REPS2: variants seen among roughly 807,000 people sequenced by gnomAD.
REPS2 encodes the protein ralBP1-associated Eps domain-containing protein 2.
Under a neutral mutation model 53.6 loss-of-function variants are expected in REPS2, and 23 were observed. The ratio of observed to expected loss-of-function variants is 0.43; its 90% CI spans 0.31 to 0.61. REPS2 has a LOEUF of 0.61. Ranked by LOEUF, REPS2 falls within the 20% of genes least tolerant of loss-of-function variation. The pLI is 0.11. For synonymous variants in REPS2, 238 were observed against 218.6 expected (o/e 1.09, Z -0.78); for missense variants, 446 against 534.9 (o/e 0.83, Z 1.64).
chrX:16,977,503 C>G (rs1172102393), intron 1 of REPS2, among the ~76,000 whole-genome samples: 1 of 109,538 alleles, frequency 9.1e-6, no homozygotes, highest in Non-Finnish European at 1.9e-5. Context: ...TCACTTGAGC[C>G]CAGGAGTTCA....
chrX:17,094,196 C>T (rs2062665687), intron 13 of REPS2, among the ~76,000 whole-genome samples: 1 of 112,144 alleles, frequency 8.9e-6, no homozygotes, highest in East Asian at 2.8e-4. Context: ...TTAATTATAT[C>T]ATCATGCAGG....
At position 16,947,022 on chromosome X, in the gene REPS2, G is replaced by C. The variant is rs1170776719; in HGVS notation, c.161G>C (p.Gly54Ala). 13 of 971,392 alleles carry C rather than the reference G, an allele frequency of 1.3e-5. No homozygotes were observed. Among genetic ancestry groups the C allele is most frequent in the African/African-American group, 2.0e-5 (1 of 49,138 alleles). 80.1% of individuals were successfully genotyped at this position (971,392 alleles called of 1,213,427 possible). The change falls in exon 1 of 18, where the codon GGG becomes GCG. Residue 54 changes from glycine (G) to alanine (A), a missense_variant. Transcript: ENST00000357277. ...RCAGAAGGGP[G>A]SGPPEAARVA... ...GCCGGCGCCGCGGGCGGGGGCCCCG[G>C]GTCTGGGCCCCCCGAGGCCGCCAGA... is the stretch of plus-strand genomic sequence containing the variant.
intron 5 of REPS2, among the ~76,000 whole-genome samples, chrX:17,044,899 T>C (rs982850671): frequency 3.6e-5 from 4 of 111,896 alleles, no homozygotes; most frequent in African/African-American, 9.8e-5. Context: ...TTTGGTTGTT[T>C]AGTGCTCGGA....
intron 1 of REPS2, among the ~76,000 whole-genome samples, chrX:16,985,649 A>C (rs1431282105): frequency 8.9e-6 from 1 of 112,188 alleles, no homozygotes; most frequent in East Asian, 2.8e-4. Flanking sequence ...AGATAGCTTT[A>C]ATTTTAATTT....
At chrX:17,067,421 G>A (rs867382883) in intron 9 of REPS2, among the ~76,000 whole-genome samples, 1 of 111,776 alleles carries the variant, frequency 8.9e-6, no homozygotes, top group Non-Finnish European at 1.9e-5. Flanking sequence ...TTTTGGTGTG[G>A]TGAGAACATT....
intron 3 of REPS2, among the ~76,000 whole-genome samples, chrX:17,024,144 G>A (rs1279969975): frequency 9.4e-6 from 1 of 106,385 alleles, no homozygotes; most frequent in Non-Finnish European, 1.9e-5. Context: ...AAAAAAATTA[G>A]CTGTGTGTGG....
At chrX:17,048,446 G>A (rs768601635) in intron 6 of REPS2, among the ~76,000 whole-genome samples, 109 of 112,410 alleles carry the variant, frequency 9.7e-4, no homozygotes, top group Middle Eastern at 4.6e-3. Flanking sequence ...GTTTCTTTAC[G>A]ACATGTGCAG....
chrX:17,140,422 C>G (rs913062964), intron 17 of REPS2, among the ~76,000 whole-genome samples: 8 of 110,544 alleles, frequency 7.2e-5, no homozygotes, highest in Non-Finnish European at 1.1e-4. Context: ...ATACCCCAAC[C>G]CCATTTGCCC....
intron 1 of REPS2, among the ~76,000 whole-genome samples, chrX:16,951,101 C>T (rs1032978286): frequency 3.3e-4 from 37 of 111,966 alleles, no homozygotes; most frequent in Non-Finnish European, 3.8e-5. Flanking sequence ...CAAACCCAGA[C>T]CTGATTCTTA....
At chrX:17,094,498 C>T (rs1273699753) in intron 13 of REPS2, among the ~76,000 whole-genome samples, 1 of 111,940 alleles carries the variant, frequency 8.9e-6, no homozygotes, top group African/African-American at 3.2e-5. Context: ...TCATATTCTT[C>T]ATTTCTGGGA....
intron 1 of REPS2, among the ~76,000 whole-genome samples, chrX:16,951,152 A>G (rs962293198): frequency 1.8e-5 from 2 of 112,163 alleles, no homozygotes; most frequent in African/African-American, 6.5e-5. Flanking sequence ...GCCTTTGAAT[A>G]CCAACAAAAT....
chrX:17,080,160 A>G (rs1602951631), intron 13 of REPS2, among the ~76,000 whole-genome samples: 1 of 111,076 alleles, frequency 9.0e-6, no homozygotes, highest in South Asian at 3.8e-4. Context: ...TGTGCATGAT[A>G]TGGATATACC....
intron 1 of REPS2, among the ~76,000 whole-genome samples, chrX:16,981,011 G>A (rs2061014075): frequency 8.9e-6 from 1 of 112,543 alleles, no homozygotes; most frequent in Admixed American, 9.4e-5. Flanking sequence ...TCGTTTGAGA[G>A]TTTGTCTTCA....
At chrX:17,078,483 C>G (rs1033880612) in intron 13 of REPS2, among the ~76,000 whole-genome samples, 2 of 111,932 alleles carry the variant, frequency 1.8e-5, no homozygotes, top group African/African-American at 6.5e-5. Context: ...ATGAGTTCAT[C>G]AGACAAAAAT....
intron 12 of REPS2, among the ~76,000 whole-genome samples, chrX:17,075,896 G>T (rs2062375355): frequency 9.0e-6 from 1 of 111,694 alleles, no homozygotes. Context: ...TTTTTTAAGT[G>T]AAGTGTTCCC....
At chrX:17,009,851 C>G (rs967168426) in intron 2 of REPS2, among the ~76,000 whole-genome samples, 6 of 111,292 alleles carry the variant, frequency 5.4e-5, no homozygotes, top group African/African-American at 1.6e-4. Flanking sequence ...TCTGTAACAC[C>G]CTACACAATC....
intron 1 of REPS2, among the ~76,000 whole-genome samples, chrX:17,002,898 C>A (rs1417610488): frequency 8.9e-6 from 1 of 112,025 alleles, no homozygotes; most frequent in East Asian, 2.8e-4. Context: ...CTCTTATATT[C>A]CTGCAGGAAC....
chrX:16,993,673 A>G (rs1227099950), intron 1 of REPS2, among the ~76,000 whole-genome samples: 3 of 112,215 alleles, frequency 2.7e-5, no homozygotes, highest in Non-Finnish European at 3.8e-5. Context: ...CTCAGCCCAA[A>G]TTACTGACCC....
chrX:17,092,146 T>C (rs774220341), intron 13 of REPS2, among the ~76,000 whole-genome samples: 1 of 112,280 alleles, frequency 8.9e-6, no homozygotes, highest in Non-Finnish European at 1.9e-5. Flanking sequence ...AAGCTTTCAA[T>C]GGCCACATCT....
Sources: allele counts gnomAD v4.1 joint callset (sites outside exome capture counted in the v4.1 genomes callset), GRCh38; gene constraint gnomAD v4.1.1; transcripts MANE v1.5; gene names NCBI Gene and HGNC (gene_info 2026-07-23, HGNC 2026-07-21).